Variants in MOK observed in about 807,000 individuals in gnomAD.
MOK encodes the protein MOK protein kinase.
Under a neutral mutation model 54.2 loss-of-function variants are expected in MOK, and 59 were observed. The ratio of observed to expected loss-of-function variants is 1.09; its 90% CI spans 0.88 to 1.35. MOK has a LOEUF of 1.35. MOK is among the 40% of genes most tolerant of loss of function. The probability of loss-of-function intolerance (pLI) is 0.00; values close to 1 mark genes in which losing one functional copy is unlikely to be tolerated. For missense variants in MOK, 517 were observed against 526.2 expected (o/e 0.98, Z 0.17); for synonymous variants, 210 against 202.7 (o/e 1.04, Z -0.31).
Position 102,232,893 on chromosome 14 carries a change from A to C in MOK, c.693-185T>G, listed in dbSNP as rs1567135125. The C allele has an allele frequency of 2.0e-6, 1 of 508,216 alleles. No homozygotes were observed. Among genetic ancestry groups the C allele is most frequent in the Non-Finnish European group, 3.5e-6 (1 of 289,192 alleles). The allele number at this position is 508,216 out of a possible 1,614,324, so 31.5% of individuals were successfully genotyped here. On this transcript the variant is annotated intron_variant, in intron 8 of 11. Transcript: ENST00000361847. This position sits in a 1 kb window ranked among gnomAD's most constrained non-coding sequence, Gnocchi z 5.1. Reference sequence around the variant, plus strand: ...CTGATGTAAATGATGGGCTCTGTGTAGTAATGAGATATCCACGGTTCATCG... The same window carrying C: ...CTGATGTAAATGATGGGCTCTGTGTCGTAATGAGATATCCACGGTTCATCG...
chr14:102,227,259 G>C (rs1182794685), downstream of MOK, among the ~76,000 whole-genome samples: 1 of 152,070 alleles, frequency 6.6e-6, no homozygotes, highest in Non-Finnish European at 1.5e-5. Flanking sequence ...AGCCAGGCCG[G>C]GGGACAGGGC....
the MOK span, among the ~76,000 whole-genome samples, chr14:102,216,256 G>A: frequency 6.6e-6 from 1 of 152,178 alleles, no homozygotes; most frequent in African/African-American, 2.4e-5. Context: ...CGGCCTCCTG[G>A]GGCCTACGAC....
At chr14:102,282,324 G>A in intron 2 of MOK, among the ~76,000 whole-genome samples, 1 of 152,004 alleles carries the variant, frequency 6.6e-6, no homozygotes, top group Non-Finnish European at 1.5e-5. Flanking sequence ...GGTTGGGCAT[G>A]GTGGCTCATG....
chr14:102,303,505 A>T (rs2072465810), intron 1 of MOK, among the ~76,000 whole-genome samples: 2 of 152,360 alleles, frequency 1.3e-5, no homozygotes, highest in African/African-American at 4.8e-5. Context: ...GACCAAAGAG[A>T]TATGACAACA....
intron 2 of MOK, among the ~76,000 whole-genome samples, chr14:102,271,853 C>A (rs534475749): frequency 6.6e-6 from 1 of 152,062 alleles, no homozygotes; most frequent in Non-Finnish European, 1.5e-5. Context: ...GCCACTGCAC[C>A]CAGCCGCAAA....
At chr14:102,295,481 G>A (rs1010198806) in intron 1 of MOK, among the ~76,000 whole-genome samples, 1 of 152,170 alleles carries the variant, frequency 6.6e-6, no homozygotes, top group Admixed American at 6.5e-5. Context: ...GTGGGTGACA[G>A]GCATCAGAGC....
downstream of MOK, among the ~76,000 whole-genome samples, chr14:102,221,854 C>T (rs1198595552): frequency 6.6e-6 from 1 of 152,166 alleles, no homozygotes; most frequent in Non-Finnish European, 1.5e-5. The surrounding 1 kb of genome is among the most constrained non-coding windows in gnomAD (Gnocchi z 4.8). Context: ...TCAGCTGAAG[C>T]CTTCTTCCAT....
At chr14:102,217,755 A>T in the MOK span, among the ~76,000 whole-genome samples, 1 of 152,282 alleles carries the variant, frequency 6.6e-6, no homozygotes, top group South Asian at 2.1e-4. Context: ...GAATGGTGGG[A>T]GTCTTGCACG....
At chr14:102,285,694 C>T (rs924415984) in intron 1 of MOK, among the ~76,000 whole-genome samples, 2 of 151,796 alleles carry the variant, frequency 1.3e-5, no homozygotes, top group Admixed American at 6.6e-5. Flanking sequence ...GAGTTCGAGA[C>T]CAGTCTGGAC....
intron 1 of MOK, among the ~76,000 whole-genome samples, chr14:102,293,265 C>T (rs909719283): frequency 4.6e-5 from 7 of 152,112 alleles, no homozygotes; most frequent in African/African-American, 1.7e-4. Context: ...ATGAAATAGC[C>T]ACAGACTGAA....
Position 102,284,427 on chromosome 14 carries a change from GATGGAGT to G in MOK, c.8-842_8-836del, listed in dbSNP as rs1186049377. On this transcript the variant is annotated intron_variant, in intron 1 of 11. Coordinates refer to ENST00000361847, the MANE Select transcript of MOK (RefSeq NM_014226.3). The stretch of plus-strand genomic sequence containing the variant: ...GGAAAGTGGTGGGAAGAGTCAGAAT[GATGGAGT>G]ACGCTAATTACTACTGACTGCCTTA... Among the ~76,000 whole-genome samples the G allele has an allele frequency of 3.9e-5, 6 of 152,068 alleles. No individual in the cohort carries two copies. The East Asian group carries it at 1.2e-3, about 30-fold the overall frequency.
At position 102,229,384 on chromosome 14, in the gene MOK, C is replaced by T; in HGVS notation, c.1183-18G>A. ...GGATCTGTCTGTCAAAGAAAAATTA[C>T]AGACACAAAATTCAGTGGCGGCCTG... On this transcript the variant is annotated intron_variant, in intron 11 of 11. Transcript: ENST00000361847. 1 of 1,603,680 alleles carries T rather than the reference C, an allele frequency of 6.2e-7. No homozygotes were observed. Among genetic ancestry groups the T allele is most frequent in the Non-Finnish European group, 8.5e-7 (1 of 1,170,092 alleles).
chr14:102,276,361 C>T (rs1036190442), intron 2 of MOK, among the ~76,000 whole-genome samples: 71 of 151,822 alleles, frequency 4.7e-4, no homozygotes, highest in African/African-American at 1.6e-3. Context: ...TGGTGGCGGG[C>T]GCCTGTAGTC....
At chr14:102,274,755 A>C (rs1597484330) in intron 2 of MOK, among the ~76,000 whole-genome samples, 1 of 150,904 alleles carries the variant, frequency 6.6e-6, no homozygotes, top group South Asian at 2.1e-4. Flanking sequence ...CAGGCGGATC[A>C]CCTGAGGTCA....
intron 2 of MOK, among the ~76,000 whole-genome samples, chr14:102,275,451 C>T (rs1032699479): frequency 6.6e-6 from 1 of 151,492 alleles, no homozygotes; most frequent in African/African-American, 2.4e-5. Flanking sequence ...GCGGTCCCAG[C>T]TACTCGGGAG....
In MOK at chr14:102,229,270, A is replaced by G. The variant is rs138137182; in HGVS notation, c.*19T>C. 2.5e-4 allele frequency: 387 copies of G among 1,571,002 alleles called. 2 individuals carry two copies. Among genetic ancestry groups the G allele is most frequent in the Middle Eastern group, 2.2e-3 (10 of 4,570 alleles). Reference sequence around the variant, plus strand: ...GGGCTTGGTGTTGCCTCCGAAGTCGAGACGACGGTGCTGCTCAGTTATCTT... The same window carrying G: ...GGGCTTGGTGTTGCCTCCGAAGTCGGGACGACGGTGCTGCTCAGTTATCTT... On this transcript the variant is annotated 3_prime_UTR_variant, in exon 12 of 12. Coordinates refer to ENST00000361847, the MANE Select transcript of MOK (RefSeq NM_014226.3).
At chr14:102,234,689 C>T (rs985304300) in intron 7 of MOK, among the ~76,000 whole-genome samples, 1 of 152,126 alleles carries the variant, frequency 6.6e-6, no homozygotes, top group Non-Finnish European at 1.5e-5. Flanking sequence ...TACTCTTGGC[C>T]TCCGTTCAGA....
intron 2 of MOK, among the ~76,000 whole-genome samples, chr14:102,273,547 G>C (rs2068578075): frequency 6.6e-6 from 1 of 152,118 alleles, no homozygotes; most frequent in Admixed American, 6.6e-5. Flanking sequence ...CGAGGCCAAG[G>C]TGGGCGGATC....
intron 1 of MOK, among the ~76,000 whole-genome samples, chr14:102,295,678 T>C (rs1045867439): frequency 2.6e-5 from 4 of 152,240 alleles, no homozygotes. Flanking sequence ...CTGTACACAA[T>C]TAATTATTTG....
Sources: gnomAD v4.1 joint callset for allele counts (sites outside exome capture counted in the v4.1 genomes callset) on GRCh38, gnomAD v4.1.1 for gene constraint, Gnocchi (gnomAD v3.1) non-coding constraint, MANE v1.5 for transcripts, NCBI Gene and HGNC (gene_info 2026-07-23, HGNC 2026-07-21) for gene names.